Variants in CTNNA3 observed in about 807,000 individuals in gnomAD.
The protein encoded by CTNNA3 is catenin alpha 3.
A neutral mutation model predicts 95.7 loss-of-function variants in CTNNA3; 76 were observed. The observed-to-expected ratio is 0.79, with a 90% confidence interval of 0.66 to 0.96. CTNNA3 has a LOEUF of 0.96. Among genes scored for constraint, CTNNA3 ranks in the 40% least tolerant of loss-of-function variants. The probability of loss-of-function intolerance (pLI) is 0.00; values close to 1 mark genes in which losing one functional copy is unlikely to be tolerated. For missense variants in CTNNA3, 1,191 were observed against 1,089.8 expected (o/e 1.09, Z -1.31); for synonymous variants, 431 against 374.4 (o/e 1.15, Z -1.74).
intron 5 of CTNNA3, among the ~76,000 whole-genome samples, chr10:67,461,627 T>C (rs1847385104): frequency 6.6e-6 from 1 of 152,086 alleles, no homozygotes; most frequent in Non-Finnish European, 1.5e-5. Flanking sequence ...ATCACAATTA[T>C]TTCAAAATTT....
At chr10:66,064,354 C>T (rs1040404976) in intron 15 of CTNNA3, among the ~76,000 whole-genome samples, 1 of 152,142 alleles carries the variant, frequency 6.6e-6, no homozygotes, top group African/African-American at 2.4e-5. Flanking sequence ...CAAAGCCTAA[C>T]CATATTATTG....
At chr10:67,625,211 C>T (rs1838914827) in intron 2 of CTNNA3, among the ~76,000 whole-genome samples, 1 of 152,172 alleles carries the variant, frequency 6.6e-6, no homozygotes, top group African/African-American at 2.4e-5. Flanking sequence ...CCATAAGGGG[C>T]TTTTGTTGTC....
rs189130726 is a variant in CTNNA3 at position 66,974,162 on chromosome 10, C to T, written c.1048-198638G>A. On this transcript the variant is annotated intron_variant, in intron 7 of 17. Transcript: ENST00000433211. ...ACCACAGATTAATTTTGCCTAATTT[C>T]GAGCTTGATACGAATGAAATCATTC... Among the ~76,000 whole-genome samples, 142 of 152,252 alleles carry T rather than the reference C, an allele frequency of 9.3e-4. 1 individual carries two copies. Among genetic ancestry groups the T allele is most frequent in the African/African-American group, 3.3e-3 (138 of 41,556 alleles).
intron 5 of CTNNA3, among the ~76,000 whole-genome samples, chr10:67,395,392 T>C (rs1844674743): frequency 6.6e-6 from 1 of 152,174 alleles, no homozygotes; most frequent in Non-Finnish European, 1.5e-5. Context: ...AATTTAAAGC[T>C]GTGGGCCAGG....
At chr10:66,669,100 G>A (rs10822869) in intron 9 of CTNNA3, among the ~76,000 whole-genome samples, 62,811 of 151,862 alleles carry the variant, frequency 0.41, 15,574 homozygotes, top group African/African-American at 0.7. Flanking sequence ...GAGAGAGGGC[G>A]GAGAACGAAT....
chr10:67,289,364 C>T (rs1327269803), intron 5 of CTNNA3, among the ~76,000 whole-genome samples: 1 of 152,114 alleles, frequency 6.6e-6, no homozygotes, highest in East Asian at 1.9e-4. Context: ...CAGAGCTTCA[C>T]ATAAATTATC....
chr10:66,204,590 C>T (rs1013162822), intron 13 of CTNNA3, among the ~76,000 whole-genome samples: 1 of 152,188 alleles, frequency 6.6e-6, no homozygotes, highest in Non-Finnish European at 1.5e-5. Context: ...GGAATTAATA[C>T]TATCTCCTGG....
chr10:66,815,376 G>C (rs760751007), intron 7 of CTNNA3, among the ~76,000 whole-genome samples: 15 of 152,112 alleles, frequency 9.9e-5, no homozygotes, highest in Non-Finnish European at 1.8e-4. Context: ...CACTTCGCTG[G>C]TGAGAATCAG....
At chr10:66,659,419 C>T (rs2394276) in intron 9 of CTNNA3, among the ~76,000 whole-genome samples, 100,274 of 151,998 alleles carry the variant, frequency 0.66, 33,972 homozygotes, top group East Asian at 0.95. Context: ...TTAGAAGGAG[C>T]TCAGTTTTGT....
rs150410861 is a variant in CTNNA3, at chr10:65,967,659, C to G, written c.2266-913G>C. Reference sequence around the variant, plus strand: ...AGAATATTAAATTTCCTTATGAAAACCAGCCTCCTACATCATTTTATCTTT... The same window carrying G: ...AGAATATTAAATTTCCTTATGAAAAGCAGCCTCCTACATCATTTTATCTTT... On this transcript the variant is annotated intron_variant, in intron 16 of 17. Coordinates refer to ENST00000433211, the MANE Select transcript of CTNNA3 (RefSeq NM_013266.4). Among the ~76,000 whole-genome samples, 950 of 152,304 alleles carry G rather than the reference C, an allele frequency of 6.2e-3. 7 individuals carry two copies. The highest frequency in any genetic ancestry group is 0.021 in the African/African-American group (888 of 41,550).
chr10:67,206,580 G>A (rs1230331971), intron 6 of CTNNA3, among the ~76,000 whole-genome samples: 1 of 151,616 alleles, frequency 6.6e-6, no homozygotes, highest in East Asian at 1.9e-4. Context: ...AGAAAAGAGG[G>A]AGGGAGGAAG....
chr10:66,428,254 A>C (rs180763395), intron 11 of CTNNA3, among the ~76,000 whole-genome samples: 1 of 152,288 alleles, frequency 6.6e-6, no homozygotes, highest in Non-Finnish European at 1.5e-5. Context: ...TTCATAAAGC[A>C]AGTCCTTAGT....
At chr10:66,830,899 G>A (rs551569154) in intron 7 of CTNNA3, among the ~76,000 whole-genome samples, 9 of 152,186 alleles carry the variant, frequency 5.9e-5, no homozygotes, top group South Asian at 2.1e-4. Flanking sequence ...GTGAGCCACC[G>A]CGCCTGGCCT....
chr10:66,493,599 A>ATGTTTTTTTTTTTTTTTTTTTTTTTTT (rs1839997931), intron 11 of CTNNA3, among the ~76,000 whole-genome samples: 1 of 112,048 alleles, frequency 8.9e-6, no homozygotes, highest in Non-Finnish European at 1.7e-5. Context: ...TAACTACAGT[A>ATGTTTTTTTTTTTTTTTTTTTTTTTTT]TTTTTTTTTT....
chr10:66,922,213 A>G (rs1317503969), intron 7 of CTNNA3, among the ~76,000 whole-genome samples: 1 of 152,236 alleles, frequency 6.6e-6, no homozygotes, highest in Non-Finnish European at 1.5e-5. Context: ...CTCGTCAGGT[A>G]GTTTACGGTT....
At chr10:66,110,360 TAAAAAAAAAA>T (rs35402161) in intron 13 of CTNNA3, among the ~76,000 whole-genome samples, 1 of 104,886 alleles carries the variant, frequency 9.5e-6, no homozygotes, top group Non-Finnish European at 2.0e-5. Context: ...AGACTCTGTC[TAAAAAAAAAA>T]AAAAAAAAAA....
intron 7 of CTNNA3, among the ~76,000 whole-genome samples, chr10:66,892,953 G>C (rs1845330260): frequency 6.6e-6 from 1 of 152,062 alleles, no homozygotes; most frequent in South Asian, 2.1e-4. Flanking sequence ...GTGTGAATGA[G>C]CATAATTATA....
chr10:67,738,000 G>C lies in CTNNA3; in HGVS notation c.-2+25434C>G, dbSNP rs139971430. 2.4e-4 allele frequency among the ~76,000 whole-genome samples: 37 copies of C among 152,322 alleles called. No homozygotes were observed. The East Asian group carries it at 6.9e-3, about 29-fold the overall frequency. On this transcript the variant is annotated intron_variant, in intron 1 of 17. Transcript: ENST00000684154. ...ACTGGGACAGAGCTTCCAGAAGTAG[G>C]AGCAGGCTGCTATCTTTGTTGTTTC...
At chr10:66,520,049 C>A (rs945177573) in intron 11 of CTNNA3, among the ~76,000 whole-genome samples, 1 of 151,618 alleles carries the variant, frequency 6.6e-6, no homozygotes, top group Non-Finnish European at 1.5e-5. Flanking sequence ...ATGTTTTGGC[C>A]ATGAATAGGA....
Sources: gnomAD v4.1 joint callset for allele counts (sites outside exome capture counted in the v4.1 genomes callset) on GRCh38, gnomAD v4.1.1 for gene constraint, MANE v1.5 for transcripts, NCBI Gene and HGNC (gene_info 2026-07-23, HGNC 2026-07-21) for gene names.